The following KALRN variants were observed in gnomAD, a reference collection of about 807,000 sequenced individuals.
KALRN encodes kalirin.
A neutral mutation model predicts 353.7 loss-of-function variants in KALRN; 70 were observed. That is an observed-to-expected ratio of 0.20 (90% CI 0.16 to 0.24). The LOEUF (loss-of-function observed/expected upper bound fraction) is 0.24, where lower values mean the gene tolerates loss of function less well. Ranked by LOEUF, KALRN falls within the 10% of genes least tolerant of loss-of-function variation. KALRN has a pLI of 1.00. For synonymous variants in KALRN, 1,391 were observed against 1,434.8 expected, an observed-to-expected ratio of 0.97 and a Z score of 0.69; for missense variants, 2,791 against 3,756.7, an observed-to-expected ratio of 0.74 and a Z score of 6.72.
chr3:124,605,792 T>A (rs2077284311), intron 34 of KALRN, among the ~76,000 whole-genome samples: 1 of 152,140 alleles, frequency 6.6e-6, no homozygotes, highest in African/African-American at 2.4e-5. Flanking sequence ...ACACCCAGGT[T>A]TTTAAGCTGC....
At chr3:124,545,227 C>G (rs775040923) in intron 33 of KALRN, among the ~76,000 whole-genome samples, 1 of 152,204 alleles carries the variant, frequency 6.6e-6, no homozygotes. Flanking sequence ...GCTCTTCACT[C>G]TTCGTTTGCT....
intron 25 of KALRN, among the ~76,000 whole-genome samples, chr3:124,473,492 C>T (rs141349283): frequency 1.3e-3 from 205 of 152,260 alleles, no homozygotes; most frequent in South Asian, 6.8e-3. Context: ...AATAAGAATA[C>T]GTAATTCCTA....
rs543634573 is a variant in KALRN at position 124,212,936 on chromosome 3, G to T, written c.74-15054G>T. Among the ~76,000 whole-genome samples, 6 of 151,646 alleles carry T rather than the reference G, an allele frequency of 4.0e-5. 1 individual carries two copies. The highest frequency in any genetic ancestry group is 1.9e-4 in the East Asian group (1 of 5,172). ...TGAAATGTATATTTATATTCTTTGCGCATTTTTCAAATAGGGAGCAGTAAT... is the reference window on the plus strand; with the variant it reads ...TGAAATGTATATTTATATTCTTTGCTCATTTTTCAAATAGGGAGCAGTAAT... On this transcript the variant is annotated intron_variant, in intron 1 of 59. Transcript: ENST00000682506.
chr3:124,495,965 GTATATATATATATATATATATA>G lies in KALRN; in HGVS notation c.4833-319_4833-298del, dbSNP rs768441029. Among the ~76,000 whole-genome samples the G allele has an allele frequency of 7.9e-3, 328 of 41,480 alleles. 42 individuals are homozygous for G. In the South Asian group the frequency reaches 0.21, roughly 27 times the overall value. The allele number at this position is 41,480 out of a possible 152,430, so 27.2% of individuals were successfully genotyped here. A position where few individuals can be genotyped will look rare whatever the true frequency, so the allele number is the denominator to read the frequency against. ...CCCAAGTGTGTGTATGTGTATGTAT[GTATATATATATATATATATATA>G]TATATATATATATATATATATATAT... On this transcript the variant is annotated intron_variant, in intron 32 of 59. Transcript: ENST00000682506.
At chr3:124,402,265 T>G (rs1244562011) in intron 13 of KALRN, among the ~76,000 whole-genome samples, 2 of 152,202 alleles carry the variant, frequency 1.3e-5, no homozygotes, top group Non-Finnish European at 2.9e-5. Context: ...CATGCCCACA[T>G]AAAGTGAAAC....
intron 58 of KALRN, among the ~76,000 whole-genome samples, chr3:124,713,953 G>A (rs2063012284): frequency 6.6e-6 from 1 of 152,046 alleles, no homozygotes; most frequent in Non-Finnish European, 1.5e-5. Context: ...GCTCTTGCGT[G>A]CTTGTTAGTC....
chr3:124,631,831 T>C (rs2651603), intron 34 of KALRN, among the ~76,000 whole-genome samples: 115,874 of 152,252 alleles, frequency 0.76, 44,817 homozygotes, highest in East Asian at 0.94. Context: ...CAGCTCCCAG[T>C]AGCTTTTCTG....
chr3:124,037,950 G>A (rs541055699), intron 1 of KALRN, among the ~76,000 whole-genome samples: 2 of 152,280 alleles, frequency 1.3e-5, no homozygotes, highest in African/African-American at 4.8e-5. Context: ...AATCCAGATG[G>A]AGTTGTTTTG....
At chr3:124,526,961 G>C (rs2067642184) in intron 33 of KALRN, among the ~76,000 whole-genome samples, 1 of 152,138 alleles carries the variant, frequency 6.6e-6, no homozygotes, top group African/African-American at 2.4e-5. Context: ...ACAGGAAAAA[G>C]AAAACAACAA....
chr3:124,053,501 C>T (rs2041236277), intron 1 of KALRN, among the ~76,000 whole-genome samples: 1 of 152,156 alleles, frequency 6.6e-6, no homozygotes, highest in African/African-American at 2.4e-5. Flanking sequence ...CCAAGCCTGA[C>T]ATCATAGGAA....
Position 124,680,823 on chromosome 3 carries a change from G to A in KALRN, c.7377+1306G>A, listed in dbSNP as rs565705255. On this transcript the variant is annotated intron_variant, in intron 51 of 59. Coordinates refer to ENST00000682506, the MANE Select transcript of KALRN (RefSeq NM_001388419.1). ...AAATCTGGTAGGTGTGGCTCAATAC[G>A]TACCCCACTGTGGGAGAAAGTGGAG... Among the ~76,000 whole-genome samples the A allele has an allele frequency of 3.3e-5, 5 of 152,284 alleles. 1 individual carries two copies. The South Asian group carries it at 6.2e-4, about 19-fold the overall frequency.
chr3:124,067,985 G>C (rs2042516536), intron 1 of KALRN, among the ~76,000 whole-genome samples: 1 of 152,244 alleles, frequency 6.6e-6, no homozygotes, highest in Non-Finnish European at 1.5e-5. Flanking sequence ...AGCTCAGCTG[G>C]TTGGCAGTGG....
chr3:124,419,794 A>G (rs1268475130), intron 14 of KALRN, among the ~76,000 whole-genome samples: 1 of 152,228 alleles, frequency 6.6e-6, no homozygotes, highest in Non-Finnish European at 1.5e-5. Context: ...GAGCCTGACA[A>G]ATGATTTCCT....
chr3:124,264,920 G>T (rs1033355253), intron 4 of KALRN, among the ~76,000 whole-genome samples: 2 of 152,288 alleles, frequency 1.3e-5, no homozygotes, highest in Middle Eastern at 6.8e-3. Context: ...TTTACTGTTG[G>T]TGGTTGTGTT....
intron 47 of KALRN, among the ~76,000 whole-genome samples, chr3:124,670,132 A>G (rs2086218297): frequency 6.6e-6 from 1 of 152,116 alleles, no homozygotes; most frequent in African/African-American, 2.4e-5. Context: ...CACCAATACA[A>G]AAATACAGAA....
chr3:124,142,729 C>T (rs2066786615), intron 1 of KALRN, among the ~76,000 whole-genome samples: 1 of 152,092 alleles, frequency 6.6e-6, no homozygotes, highest in Admixed American at 6.6e-5. Flanking sequence ...CTGTACTCCT[C>T]CAGCCTCCCC....
intron 10 of KALRN, among the ~76,000 whole-genome samples, chr3:124,348,876 C>T (rs1033491674): frequency 2.0e-5 from 3 of 152,108 alleles, no homozygotes; most frequent in Non-Finnish European, 4.4e-5. Context: ...TGCCACCACA[C>T]CCGGCTAATT....
intron 1 of KALRN, among the ~76,000 whole-genome samples, chr3:124,139,225 G>T (rs1421000686): frequency 2.0e-5 from 3 of 152,158 alleles, no homozygotes; most frequent in African/African-American, 7.2e-5. Flanking sequence ...GAGGCAAAGG[G>T]ATTCTGATGT....
chr3:124,702,090 T>C lies in KALRN; in HGVS notation c.8049T>C (p.Ala2683=), dbSNP rs1457076595. 1.9e-6 allele frequency: 3 copies of C among 1,613,310 alleles called. No homozygotes were observed. The highest frequency in any genetic ancestry group is 1.3e-5 in the African/African-American group (1 of 74,926). Residue 2683 remains alanine (A), a synonymous_variant, in exon 57 of 60, where the codon GCT becomes GCC. Transcript: ENST00000682506. ...CTTGGAAGGAAAATTTTGACTCAGC[T>C]TACACTGAGCTGAATGAAATTGGAA... ...TISWKENFDS[A]YTELNEIGRG... is the part of the protein sequence containing the mutation.
Sources: allele counts gnomAD v4.1 joint callset (sites outside exome capture counted in the v4.1 genomes callset), GRCh38; gene constraint gnomAD v4.1.1; transcripts MANE v1.5; gene names NCBI Gene and HGNC (gene_info 2026-07-23, HGNC 2026-07-21).